Variants in CAPN2 observed in about 807,000 individuals in gnomAD.
CAPN2 encodes the protein calpain-2 catalytic subunit.
In CAPN2, 92 loss-of-function variants were observed where a neutral mutation model predicts 102.3. That is an observed-to-expected ratio of 0.90 (90% confidence interval 0.76 to 1.07). The LOEUF is 1.07. Ranked by LOEUF, CAPN2 falls within the 50% of genes least tolerant of loss-of-function variation. The probability of loss-of-function intolerance (pLI) is 0.00; values close to 1 mark genes in which losing one functional copy is unlikely to be tolerated. For missense variants in CAPN2, 800 were observed against 909.4 expected (o/e 0.88, Z 1.55); for synonymous variants, 340 against 355.4 (o/e 0.96, Z 0.49).
At position 223,744,000 on chromosome 1, in the gene CAPN2, G is replaced by A. The variant is rs1660687101; in HGVS notation, c.308-100G>A. ...GAAACTTCACTCTGTCTATTCACAG[G>A]TTGTCTTAGGCTTTAAGCCCCTGGA... is the stretch of plus-strand genomic sequence containing the variant. On this transcript the variant is annotated intron_variant, in intron 2 of 20. Transcript: ENST00000295006. 9 of 793,442 alleles carry A rather than the reference G, an allele frequency of 1.1e-5. No individual in the cohort carries two copies. In the East Asian group the frequency reaches 1.5e-4, roughly 13 times the overall value. The allele number at this position is 793,442 out of a possible 1,614,324, so 49.2% of individuals were successfully genotyped here.
intron 1 of CAPN2, among the ~76,000 whole-genome samples, chr1:223,703,093 T>G (rs1659523623): frequency 6.6e-6 from 1 of 152,222 alleles, no homozygotes; most frequent in Non-Finnish European, 1.5e-5. Flanking sequence ...CTCCCCCATT[T>G]GCTCTGCAAA....
intron 9 of CAPN2, among the ~76,000 whole-genome samples, chr1:223,753,510 C>T (rs1325132679): frequency 6.6e-6 from 1 of 152,256 alleles, no homozygotes; most frequent in African/African-American, 2.4e-5. Flanking sequence ...ATTCTTCTGC[C>T]TTCATGGCTT....
intron 1 of CAPN2, among the ~76,000 whole-genome samples, chr1:223,702,151 C>T (rs1007068452): frequency 3.0e-5 from 3 of 98,404 alleles, no homozygotes; most frequent in South Asian, 3.7e-4. Context: ...GGAGGCTGGG[C>T]GCCGTGGCTC....
intron 12 of CAPN2, among the ~76,000 whole-genome samples, chr1:223,760,844 C>T (rs112012142): frequency 2.6e-5 from 4 of 152,298 alleles, no homozygotes; most frequent in Admixed American, 1.3e-4. Flanking sequence ...TGATCAGCAC[C>T]AAGAGGTCCC....
At chr1:223,760,206 G>A (rs1214141355) in intron 12 of CAPN2, among the ~76,000 whole-genome samples, 5 of 152,230 alleles carry the variant, frequency 3.3e-5, no homozygotes, top group African/African-American at 1.2e-4. Context: ...GTCAGGCTAG[G>A]AAGAACAGGA....
At chr1:223,768,935 G>A (rs1038358824) in intron 16 of CAPN2, among the ~76,000 whole-genome samples, 6 of 152,090 alleles carry the variant, frequency 3.9e-5, no homozygotes, top group African/African-American at 1.4e-4. Context: ...TCGTCTTCTT[G>A]ATTTAGATAA....
Position 223,725,671 on chromosome 1 carries a change from G to C in CAPN2, c.307+7840G>C, listed in dbSNP as rs556179559. Reference sequence around the variant, plus strand: ...GGAGAGGGGTATGACAGAGGAGGTGGTGTCCCAGGGGGAAGGTCCGGAAAC... The same window carrying C: ...GGAGAGGGGTATGACAGAGGAGGTGCTGTCCCAGGGGGAAGGTCCGGAAAC... On this transcript the variant is annotated intron_variant, in intron 2 of 20. Transcript: ENST00000295006. This position sits in a 1 kb window ranked among gnomAD's most constrained non-coding sequence, Gnocchi z 4.1. Among the ~76,000 whole-genome samples, 6 of 152,284 alleles carry C rather than the reference G, an allele frequency of 3.9e-5. No homozygotes were observed. The highest frequency in any genetic ancestry group is 2.0e-4 in the Admixed American group (3 of 15,302).
intron 20 of CAPN2, among the ~76,000 whole-genome samples, chr1:223,774,616 A>T (rs906338277): frequency 2.0e-5 from 3 of 152,224 alleles, no homozygotes; most frequent in African/African-American, 7.2e-5. Flanking sequence ...ACCCTGTAAT[A>T]TGATTCATGG....
At chr1:223,729,727 G>A (rs1241113388) in intron 2 of CAPN2, among the ~76,000 whole-genome samples, 2 of 152,158 alleles carry the variant, frequency 1.3e-5, no homozygotes, top group Admixed American at 6.5e-5. Flanking sequence ...TCAAGGCCGG[G>A]TGCGGTGGCT....
chr1:223,771,868 C>T lies in CAPN2; in HGVS notation c.1963C>T (p.Leu655Phe), dbSNP rs200435825. 4.5e-5 allele frequency: 73 copies of T among 1,614,034 alleles called. No individual in the cohort carries two copies. Among genetic ancestry groups the T allele is most frequent in the Admixed American group, 6.7e-5 (4 of 60,010 alleles). ...CGTTGCTCGGTTTGCAGATGACCAG[C>T]TCATCATCGATTTTGATAATTTTGT... ...VIVARFADDQ[L>F]IIDFDNFVRC... The change falls in exon 19 of 21, where the codon CTC (leucine) becomes TTC (phenylalanine). Residue 655 changes from leucine to phenylalanine, a missense_variant. By Grantham distance (22) the Leu-to-Phe change is conservative (BLOSUM62 0). Coordinates refer to ENST00000295006, the MANE Select transcript of CAPN2 (RefSeq NM_001748.5).
In CAPN2 at chr1:223,745,367, G is replaced by C. The variant is rs1293767074; in HGVS notation, c.488G>C (p.Gly163Ala). ...VVDDRLPTKD[G>A]ELLFVHSAEG... ...GATGACAGGCTGCCCACCAAGGACG[G>C]GGAGCTGCTCTTTGTGCATTCAGCC... The change falls in exon 4 of 21, where the codon GGG becomes GCG. Residue 163 changes from glycine (G) to alanine (A), a missense_variant. Physicochemically the swap from Gly to Ala is moderately conservative, Grantham distance 60. Coordinates refer to ENST00000295006, the MANE Select transcript of CAPN2 (RefSeq NM_001748.5). 6.2e-7 allele frequency: 1 copy of C among 1,614,092 alleles called. No individual in the cohort carries two copies. The highest frequency in any genetic ancestry group is 1.3e-5 in the African/African-American group (1 of 74,936).
intron 10 of CAPN2, among the ~76,000 whole-genome samples, chr1:223,757,128 A>G (rs1289872486): frequency 6.6e-6 from 1 of 152,138 alleles, no homozygotes; most frequent in Non-Finnish European, 1.5e-5. Flanking sequence ...AAGTCTCTTC[A>G]CATCTCCATG....
rs1248414822 is a variant in CAPN2 at position 223,731,430 on chromosome 1, C to T, written c.308-12670C>T. 6.6e-6 allele frequency among the ~76,000 whole-genome samples: 1 copy of T among 152,026 alleles called. No individual in the cohort carries two copies. On this transcript the variant is annotated intron_variant, in intron 2 of 20. Transcript: ENST00000295006. This position sits in a 1 kb window ranked among gnomAD's most constrained non-coding sequence, Gnocchi z 4.2. ...TGACCTTCCCTCTCCCTGAAAGTGCCCCTGCTCTTCCTCACCCAGCTCCCC... is the reference window on the plus strand; with the variant it reads ...TGACCTTCCCTCTCCCTGAAAGTGCTCCTGCTCTTCCTCACCCAGCTCCCC...
At position 223,721,488 on chromosome 1, in the gene CAPN2, C is replaced by A. The variant is rs116872247; in HGVS notation, c.307+3657C>A. 5.0e-3 allele frequency among the ~76,000 whole-genome samples: 764 copies of A among 152,332 alleles called. 39 individuals carry two copies. The East Asian group carries it at 0.12, about 24-fold the overall frequency. On this transcript the variant is annotated intron_variant, in intron 2 of 20. Coordinates refer to ENST00000295006, the MANE Select transcript of CAPN2 (RefSeq NM_001748.5). ...AGGAAGGCATAGGTCACCTTGCAGG[C>A]CTCTGATTTCCTGGGGTAGAGCCCA...
chr1:223,759,085 A>G lies in CAPN2; in HGVS notation c.1318-185A>G. 1.6e-6 allele frequency: 1 copy of G among 623,840 alleles called. No individual in the cohort carries two copies. 38.6% of individuals were successfully genotyped at this position (623,840 alleles called of 1,614,324 possible). ...TTGTTTTGTTGTTGTTGTCGTCGTT[A>G]TATAGATGAGGGCTTCCTGTGTTGC... is the stretch of plus-strand genomic sequence containing the variant. On this transcript the variant is annotated intron_variant, in intron 11 of 20. Transcript: ENST00000295006. The surrounding 1 kb of genome is among the most constrained non-coding windows in gnomAD (Gnocchi z 4.6).
chr1:223,720,225 C>A (rs1406274694), intron 2 of CAPN2, among the ~76,000 whole-genome samples: 2 of 152,074 alleles, frequency 1.3e-5, no homozygotes, highest in Non-Finnish European at 2.9e-5. Flanking sequence ...TATTCTAAAG[C>A]CATTCCCGGG....
At chr1:223,761,936 C>T (rs1166792262) in intron 13 of CAPN2, among the ~76,000 whole-genome samples, 1 of 152,174 alleles carries the variant, frequency 6.6e-6, no homozygotes, top group East Asian at 1.9e-4. Flanking sequence ...AGAGAAGATA[C>T]CTCTGTGAGA....
Position 223,717,749 on chromosome 1 carries a change from G to A in CAPN2, c.238-13G>A. 6.2e-7 allele frequency: 1 copy of A among 1,613,206 alleles called. No homozygotes were observed. The highest frequency in any genetic ancestry group is 8.5e-7 in the Non-Finnish European group (1 of 1,179,174). ...CTGGTAGGCTAACAGCACTTTGTGG[G>A]TCTCGTTCCCAGGAGATCTGCGCTG... On this transcript the variant is annotated splice_polypyrimidine_tract_variant and intron_variant, in intron 1 of 20. Coordinates refer to ENST00000295006, the MANE Select transcript of CAPN2 (RefSeq NM_001748.5).
At chr1:223,750,782 C>A in intron 6 of CAPN2, 108 bp from the exon 7 acceptor site, 1 of 1,013,632 alleles carries the variant, frequency 9.9e-7, no homozygotes, top group East Asian at 2.6e-5. Flanking sequence ...CCCCACCGTC[C>A]TCAGCCCCAT....
Sources: allele counts gnomAD v4.1 joint callset (sites outside exome capture counted in the v4.1 genomes callset), GRCh38; gene constraint gnomAD v4.1.1; non-coding constraint Gnocchi (gnomAD v3.1); transcripts MANE v1.5; gene names NCBI Gene and HGNC (gene_info 2026-07-23, HGNC 2026-07-21).